Variants in ASPRV1 observed in about 807,000 individuals in gnomAD.
The protein encoded by ASPRV1 is aspartic peptidase retroviral like 1.
A neutral mutation model predicts 11.0 loss-of-function variants in ASPRV1; 7 were observed. That is an observed-to-expected ratio of 0.64 (90% confidence interval 0.36 to 1.20). The LOEUF (loss-of-function observed/expected upper bound fraction) is 1.20. ASPRV1 is among the 50% of genes most tolerant of loss of function. The pLI is 0.02. For synonymous variants in ASPRV1, 136 were observed against 138.4 expected, an observed-to-expected ratio of 0.98 and a Z score of 0.12; for missense variants, 299 against 320.0, an observed-to-expected ratio of 0.93 and a Z score of 0.50.
chr2:70,016,914 G>T, the ASPRV1 span, among the ~76,000 whole-genome samples: 37 of 152,070 alleles, frequency 2.4e-4, no homozygotes, highest in East Asian at 6.8e-3. Flanking sequence ...TTCCTGGGAT[G>T]CAAGGATGGT....
chr2:69,987,123 G>A, the ASPRV1 span, among the ~76,000 whole-genome samples: 2 of 152,278 alleles, frequency 1.3e-5, no homozygotes, highest in African/African-American at 4.8e-5. Context: ...AGATGCAGGG[G>A]TGGGAATGCG....
At chr2:70,068,977 C>T in the ASPRV1 span, 1 of 149,282 alleles carries the variant, frequency 6.7e-6, no homozygotes, top group Admixed American at 6.7e-5. Context: ...AAAGCCTTTC[C>T]TTCGTCAGTA....
At chr2:69,999,769 G>C in the ASPRV1 span, among the ~76,000 whole-genome samples, 61 of 151,248 alleles carry the variant, frequency 4.0e-4, no homozygotes, top group African/African-American at 1.4e-3. Flanking sequence ...GAATTGTCAC[G>C]ATCTCTGCAC....
chr2:69,987,165 T>C, the ASPRV1 span, among the ~76,000 whole-genome samples: 1 of 151,872 alleles, frequency 6.6e-6, no homozygotes, highest in African/African-American at 2.4e-5. Context: ...GGGGAAGGCA[T>C]TGGGAGGAGG....
At chr2:70,017,434 T>C in the ASPRV1 span, among the ~76,000 whole-genome samples, 3 of 152,176 alleles carry the variant, frequency 2.0e-5, no homozygotes, top group Middle Eastern at 3.4e-3. Flanking sequence ...TAACATCATA[T>C]TGAATAGTGA....
At chr2:69,955,371 T>C (rs1389825969), downstream of ASPRV1, among the ~76,000 whole-genome samples, 1 of 152,150 alleles carries the variant, frequency 6.6e-6, no homozygotes, top group Non-Finnish European at 1.5e-5. Flanking sequence ...CTCGAGGCAC[T>C]CCCTGCACAC....
At chr2:69,982,363 G>A in the ASPRV1 span, among the ~76,000 whole-genome samples, 2 of 152,106 alleles carry the variant, frequency 1.3e-5, no homozygotes, top group Non-Finnish European at 2.9e-5. Context: ...GGCTGAGGAG[G>A]GAGGATCACT....
chr2:69,948,082 T>C, the ASPRV1 span, among the ~76,000 whole-genome samples: 2 of 110,266 alleles, frequency 1.8e-5, no homozygotes, highest in Non-Finnish European at 3.5e-5. Flanking sequence ...ACCCCGTCTC[T>C]CAAAAAAAAA....
upstream of ASPRV1, chr2:69,963,454 T>C: frequency 2.2e-6 from 1 of 456,588 alleles, no homozygotes; most frequent in Non-Finnish European, 4.4e-6. Context: ...ACTGATCCAG[T>C]GGTTTCCTGA....
At chr2:70,068,178 A>G in the ASPRV1 span, among the ~76,000 whole-genome samples, 1 of 152,258 alleles carries the variant, frequency 6.6e-6, no homozygotes, top group African/African-American at 2.4e-5. Context: ...AAATGGGTAT[A>G]GATGCCAGCT....
the ASPRV1 span, among the ~76,000 whole-genome samples, chr2:69,933,208 A>G: frequency 1.3e-5 from 2 of 150,720 alleles, no homozygotes; most frequent in Non-Finnish European, 3.0e-5. Context: ...CTCAAAAAAA[A>G]AAAAAAAAAA....
chr2:69,961,252 G>T lies in ASPRV1; in HGVS notation c.185C>A (p.Ala62Asp). The change falls in exon 1 of 1, where the codon GCC becomes GAC. Residue 62 changes from alanine (A) to aspartate (D), a missense_variant. Physicochemically the swap from Ala to Asp is moderately radical, Grantham distance 126. Transcript: ENST00000320256. ...RFLKESLRGE[A>D]LGVYNRLSPQ... is the part of the protein sequence containing the mutation. ...ACTGAGCCTATTGTAGACACCCAGGGCCTCTCCTCTGAGGGACTCTTTCAG... is the reference window on the plus strand; with the variant it reads ...ACTGAGCCTATTGTAGACACCCAGGTCCTCTCCTCTGAGGGACTCTTTCAG... 6.2e-7 allele frequency: 1 copy of T among 1,614,114 alleles called. No homozygotes were observed. The highest frequency in any genetic ancestry group is 1.7e-4 in the Middle Eastern group (1 of 6,060).
At chr2:70,080,251 A>C in the ASPRV1 span, among the ~76,000 whole-genome samples, 1 of 150,304 alleles carries the variant, frequency 6.7e-6, no homozygotes, top group African/African-American at 2.5e-5. Flanking sequence ...TTTTTGAGAC[A>C]GTTTCACTCT....
the ASPRV1 span, among the ~76,000 whole-genome samples, chr2:69,986,236 A>G: frequency 2.0e-5 from 3 of 152,242 alleles, no homozygotes; most frequent in Non-Finnish European, 4.4e-5. Flanking sequence ...GTAGATTCAT[A>G]GCTGAGCCTG....
the ASPRV1 span, among the ~76,000 whole-genome samples, chr2:70,039,366 A>T: frequency 6.6e-6 from 1 of 152,184 alleles, no homozygotes; most frequent in Admixed American, 6.5e-5. Context: ...AACAAATTCA[A>T]TGGAAGCAAG....
At chr2:69,981,647 C>T in the ASPRV1 span, among the ~76,000 whole-genome samples, 1 of 152,210 alleles carries the variant, frequency 6.6e-6, no homozygotes, top group Non-Finnish European at 1.5e-5. Context: ...ACCTCCGCCT[C>T]CCGGGTTCGA....
chr2:69,954,520 A>G, the ASPRV1 span, among the ~76,000 whole-genome samples: 1 of 152,196 alleles, frequency 6.6e-6, no homozygotes, highest in Non-Finnish European at 1.5e-5. Flanking sequence ...AGCTGAAATA[A>G]AAGCAGCATC....
chr2:70,034,369 G>C, the ASPRV1 span, among the ~76,000 whole-genome samples: 1 of 151,248 alleles, frequency 6.6e-6, no homozygotes, highest in Non-Finnish European at 1.5e-5. Context: ...AGGAGTTCAA[G>C]ACTAGCCTGG....
chr2:70,078,278 G>C, the ASPRV1 span, among the ~76,000 whole-genome samples: 1 of 152,178 alleles, frequency 6.6e-6, no homozygotes, highest in African/African-American at 2.4e-5. Context: ...TTACATTCTA[G>C]TGGGTGGTGA....
Sources: allele counts gnomAD v4.1 joint callset (sites outside exome capture counted in the v4.1 genomes callset), GRCh38; gene constraint gnomAD v4.1.1; transcripts MANE v1.5; gene names NCBI Gene and HGNC (gene_info 2026-07-23, HGNC 2026-07-21).